The following DNAH12 variants were observed in gnomAD, a reference collection of about 807,000 sequenced individuals.
DNAH12 encodes dynein axonemal heavy chain 12.
DNAH12 carries 285 observed loss-of-function variants against 371.5 expected under a neutral mutation model. The observed-to-expected ratio is 0.77, with a 90% CI of 0.70 to 0.85. The LOEUF is 0.85. Ranked by LOEUF, DNAH12 falls within the 40% of genes least tolerant of loss-of-function variation. The pLI is 0.00. For missense variants in DNAH12, 3,611 were observed against 3,689.4 expected (o/e 0.98, Z 0.55); for synonymous variants, 1,200 against 1,213.0 (o/e 0.99, Z 0.22).
rs117860625 is a variant in DNAH12, at chr3:57,298,171, G to A, written c.11395-1187C>T. Among the ~76,000 whole-genome samples the A allele has an allele frequency of 1.6e-4, 25 of 152,302 alleles. No homozygotes were observed. The East Asian group carries it at 4.4e-3, about 27-fold the overall frequency. ...CAAGCTTCTCAGTCCAGGCACCTCT[G>A]GTGGTAGAACTCCACCTAGCCATGC... On this transcript the variant is annotated intron_variant, in intron 70 of 73. Transcript: ENST00000495027.
At chr3:57,365,786 C>G (rs2063037332) in intron 57 of DNAH12, among the ~76,000 whole-genome samples, 1 of 151,462 alleles carries the variant, frequency 6.6e-6, no homozygotes, top group African/African-American at 2.4e-5. Flanking sequence ...ATCACCTATT[C>G]TGGATATAGT....
intron 42 of DNAH12, among the ~76,000 whole-genome samples, chr3:57,404,433 C>T (rs948716281): frequency 4.6e-5 from 7 of 152,090 alleles, no homozygotes; most frequent in South Asian, 2.1e-4. Flanking sequence ...ACAAAAGTTT[C>T]GGCCAGGTGT....
At chr3:57,502,541 T>G in intron 9 of DNAH12, 62 bp from the exon 10 acceptor site, 1 of 1,459,756 alleles carries the variant, frequency 6.9e-7, no homozygotes, top group Non-Finnish European at 9.2e-7. Context: ...AATTAATCTA[T>G]ATGTAGATCT....
chr3:57,446,276 G>T lies in DNAH12; in HGVS notation c.3940-6C>A. The T allele has an allele frequency of 6.5e-7, 1 of 1,544,330 alleles. No individual in the cohort carries two copies. Among genetic ancestry groups the T allele is most frequent in the South Asian group, 1.2e-5 (1 of 82,432 alleles). On this transcript the variant is annotated splice_region_variant and splice_polypyrimidine_tract_variant and intron_variant, in intron 26 of 73. Transcript: ENST00000495027. ...GAAGCCAGTCCTTTAAAAAACTAAGGACAAAGAAAAAGGAAAGTGATTTTT... is the reference window on the plus strand; with the variant it reads ...GAAGCCAGTCCTTTAAAAAACTAAGTACAAAGAAAAAGGAAAGTGATTTTT...
At chr3:57,354,539 AAAAAAAAAAAG>A (rs1369092786) in intron 59 of DNAH12, among the ~76,000 whole-genome samples, 30 of 65,360 alleles carry the variant, frequency 4.6e-4, no homozygotes, top group African/African-American at 1.3e-3. Context: ...CTTGTTTGCT[AAAAAAAAAAAG>A]AAAAAAAAAA....
chr3:57,516,386 C>A (rs138538358), intron 4 of DNAH12, among the ~76,000 whole-genome samples: 406 of 152,168 alleles, frequency 2.7e-3, no homozygotes, highest in Middle Eastern at 0.017. Context: ...TCTTAAAATT[C>A]TTGTGTGATA....
At chr3:57,446,966 A>G (rs2065523502) in intron 25 of DNAH12, among the ~76,000 whole-genome samples, 1 of 152,242 alleles carries the variant, frequency 6.6e-6, no homozygotes, top group Non-Finnish European at 1.5e-5. Flanking sequence ...GGGTAAAATT[A>G]GTTCAGGAAG....
At chr3:57,428,048 C>T (rs2064837648) in intron 34 of DNAH12, among the ~76,000 whole-genome samples, 1 of 151,988 alleles carries the variant, frequency 6.6e-6, no homozygotes, top group South Asian at 2.1e-4. Context: ...CCTGCCTCAG[C>T]CTCCCGAGTA....
upstream of DNAH12, among the ~76,000 whole-genome samples, chr3:57,545,704 G>GA (rs2069524150): frequency 6.6e-6 from 1 of 151,922 alleles, no homozygotes; most frequent in Non-Finnish European, 1.5e-5. Flanking sequence ...AGCAGCCTGG[G>GA]AAAAAATTCA....
chr3:57,310,934 T>C lies in DNAH12; in HGVS notation c.10679A>G (p.Tyr3560Cys), dbSNP rs768563899. ...TATAGCTTCAAATGGAATTGTATCA[T>C]ATTCATTGATAAATAACTGAAGCAA... Reference protein sequence around the residue: ...IRQLQLFINEYDTIPFEAISY... With the variant: ...IRQLQLFINECDTIPFEAISY... Residue 3560 changes from tyrosine (Y) to cysteine (C), a missense_variant, in exon 67 of 74, where the codon TAT (tyrosine) becomes TGT (cysteine). Tyr to Cys is a radical substitution (Grantham distance 194, BLOSUM62 -2). Around this residue, in one of 3 missense-constraint regions of DNAH12, gnomAD observed 2,266 missense variants for 2,236.9 expected, o/e 1.01. Coordinates refer to ENST00000495027, the MANE Select transcript of DNAH12 (RefSeq NM_001366028.2). 19 of 1,546,424 alleles carry C rather than the reference T, an allele frequency of 1.2e-5. No individual in the cohort carries two copies. The highest frequency in any genetic ancestry group is 1.1e-5 in the Non-Finnish European group (13 of 1,143,300).
At chr3:57,389,703 G>A (rs2063569335) in intron 45 of DNAH12, among the ~76,000 whole-genome samples, 1 of 151,036 alleles carries the variant, frequency 6.6e-6, no homozygotes. Flanking sequence ...AAGACCCATT[G>A]GCAAGGAATG....
At chr3:57,322,544 T>C (rs371101377) in intron 64 of DNAH12, 61 bp from the exon 65 acceptor site, 14 of 1,480,122 alleles carry the variant, frequency 9.5e-6, no homozygotes, top group African/African-American at 4.2e-5. Context: ...TAAAAGTGCA[T>C]ATACACGTGG....
rs1316992697 is a variant in DNAH12, at chr3:57,354,552, A to G, written c.9534-2327T>C. On this transcript the variant is annotated intron_variant, in intron 59 of 73. Transcript: ENST00000495027. ...GTCTTGTTTGCTAAAAAAAAAAAGA[A>G]AAAAAAAAAGAAAAAAAATCTAAAC... is the stretch of plus-strand genomic sequence containing the variant. Among the ~76,000 whole-genome samples, 119 of 19,936 alleles carry G rather than the reference A, an allele frequency of 6.0e-3. 2 individuals are homozygous for G. The highest frequency in any genetic ancestry group is 0.012 in the African/African-American group (109 of 9,044). 13.1% of individuals were successfully genotyped at this position (19,936 alleles called of 152,430 possible). A position where few individuals can be genotyped will look rare whatever the true frequency, so the allele number is the denominator to read the frequency against.
intron 29 of DNAH12, among the ~76,000 whole-genome samples, chr3:57,442,159 G>A (rs1024511730): frequency 2.0e-5 from 3 of 152,090 alleles, no homozygotes; most frequent in Non-Finnish European, 4.4e-5. Flanking sequence ...GGAATTTGTT[G>A]CCAGAAGACC....
At position 57,501,362 on chromosome 3, in the gene DNAH12, T is replaced by C; in HGVS notation, c.1294A>G (p.Thr432Ala). 1.3e-6 allele frequency: 2 copies of C among 1,595,570 alleles called. No individual in the cohort carries two copies. Among genetic ancestry groups the C allele is most frequent in the Non-Finnish European group, 1.7e-6 (2 of 1,175,076 alleles). The change falls in exon 11 of 74, where the codon ACT becomes GCT. Residue 432 changes from threonine to alanine, a missense_variant. Thr to Ala is a moderately conservative substitution (Grantham distance 58, BLOSUM62 0). Transcript: ENST00000495027. The part of the protein sequence containing the change: ...LDGTAVENIE[T>A]FQTEDHTFDE... ...AAAGTATGATCTTCTGTCTGAAAAG[T>C]CTCTATATTCTCAACTGCAGTCCCA...
rs1331705987 is a variant in DNAH12, at chr3:57,471,645, A to G, written c.1777-39T>C. The G allele has an allele frequency of 4.1e-6, 6 of 1,474,754 alleles. No homozygotes were observed. In the South Asian group the frequency reaches 6.9e-5, roughly 17 times the overall value. 91.4% of individuals were successfully genotyped at this position (1,474,754 alleles called of 1,614,324 possible). A position where few individuals can be genotyped will look rare whatever the true frequency, so the allele number is the denominator to read the frequency against. ...AATTTGATCATGTTAGTTAATCTGT[A>G]ACAAAGAATTATCAAGTCAGAAATC... On this transcript the variant is annotated intron_variant, in intron 14 of 73. Transcript: ENST00000495027.
At chr3:57,364,942 G>T (rs1217753315) in intron 57 of DNAH12, among the ~76,000 whole-genome samples, 4 of 152,132 alleles carry the variant, frequency 2.6e-5, no homozygotes, top group African/African-American at 9.7e-5. Context: ...TCAGAATGAC[G>T]ATTATTAAAA....
At chr3:57,309,374 A>C (rs1385833717) in intron 68 of DNAH12, 120 bp from the exon 69 acceptor site, 1 of 808,834 alleles carries the variant, frequency 1.2e-6, no homozygotes, top group African/African-American at 1.7e-5. Context: ...CATAACGTAC[A>C]GTAATGTATA....
chr3:57,298,121 T>C (rs530038882), intron 70 of DNAH12, among the ~76,000 whole-genome samples: 1 of 152,296 alleles, frequency 6.6e-6, no homozygotes, highest in South Asian at 2.1e-4. Context: ...CTGCCTATCT[T>C]GAAGTGATAC....
Sources: allele counts gnomAD v4.1 joint callset (sites outside exome capture counted in the v4.1 genomes callset), GRCh38; gene constraint gnomAD v4.1.1; regional missense constraint gnomAD v4.1.1; transcripts MANE v1.5; gene names NCBI Gene and HGNC (gene_info 2026-07-23, HGNC 2026-07-21).